Variants in SORCS2 observed in about 807,000 individuals in gnomAD.
The protein encoded by SORCS2 is sortilin related VPS10 domain containing receptor 2.
In SORCS2, 100 loss-of-function variants were observed where a neutral mutation model predicts 141.6. The ratio of observed to expected loss-of-function variants is 0.71; its 90% CI spans 0.60 to 0.83. The LOEUF (loss-of-function observed/expected upper bound fraction) is 0.83, where lower values mean the gene tolerates loss of function less well. Ranked by LOEUF, SORCS2 falls within the 40% of genes least tolerant of loss-of-function variation. The probability of loss-of-function intolerance (pLI) is 0.00; values close to 1 mark genes in which losing one functional copy is unlikely to be tolerated. For missense variants in SORCS2, 1,646 were observed against 1,560.2 expected (o/e 1.05, Z -0.93); for synonymous variants, 789 against 676.9 (o/e 1.17, Z -2.57).
In SORCS2 at chr4:7,638,213, C is replaced by A. The variant is rs185436173; in HGVS notation, c.649-115C>A. On this transcript the variant is annotated intron_variant, in intron 3 of 26. Transcript: ENST00000507866. ...GGCACACCCGGCCCAGGCCTCACAA[C>A]CCCCTTTCTGGTGTGAGGGAGAGAG... 5.8e-4 allele frequency: 760 copies of A among 1,299,286 alleles called. 2 individuals are homozygous for A. The African/African-American group carries it at 0.011, about 18-fold the overall frequency. The allele number at this position is 1,299,286 out of a possible 1,614,324, so 80.5% of individuals were successfully genotyped here. A position where few individuals can be genotyped will look rare whatever the true frequency, so the allele number is the denominator to read the frequency against.
chr4:7,226,180 C>G (rs1002039922), intron 1 of SORCS2, among the ~76,000 whole-genome samples: 2 of 152,206 alleles, frequency 1.3e-5, no homozygotes, highest in African/African-American at 4.8e-5. Flanking sequence ...GAGGGAGTGT[C>G]TATGGTGGCA....
intron 1 of SORCS2, among the ~76,000 whole-genome samples, chr4:7,366,259 C>G (rs146898839): frequency 2.0e-3 from 310 of 152,086 alleles, no homozygotes; most frequent in African/African-American, 7.1e-3. Flanking sequence ...CTCTCTCTCT[C>G]TCAGTCCTGC....
chr4:7,606,029 C>T (rs1368113395), intron 3 of SORCS2, among the ~76,000 whole-genome samples: 2 of 152,180 alleles, frequency 1.3e-5, no homozygotes, highest in African/African-American at 2.4e-5. Context: ...GTGGGGACAC[C>T]ACGTCAGGGA....
At chr4:7,723,611 G>A (rs994302605) in intron 18 of SORCS2, 86 bp from the exon 19 acceptor site, 21 of 1,348,954 alleles carry the variant, frequency 1.6e-5, no homozygotes, top group African/African-American at 5.8e-5. Flanking sequence ...GAATGAATGA[G>A]TGAGTGAGTG....
intron 1 of SORCS2, among the ~76,000 whole-genome samples, chr4:7,367,184 T>C (rs1374329121): frequency 6.6e-6 from 1 of 151,964 alleles, no homozygotes; most frequent in African/African-American, 2.4e-5. Context: ...GCAAGGGAGG[T>C]GGTAGTCTCG....
intron 3 of SORCS2, among the ~76,000 whole-genome samples, chr4:7,540,931 C>T (rs1187299816): frequency 2.6e-5 from 4 of 152,310 alleles, no homozygotes; most frequent in African/African-American, 9.6e-5. Context: ...CGGCCAGCGC[C>T]CCACCCACGA....
At chr4:7,273,625 G>T (rs1715282948) in intron 1 of SORCS2, among the ~76,000 whole-genome samples, 1 of 152,230 alleles carries the variant, frequency 6.6e-6, no homozygotes. Context: ...AGAGACTGAA[G>T]CTTCTGGAAA....
chr4:7,354,220 G>C (rs1489865850), intron 1 of SORCS2, among the ~76,000 whole-genome samples: 1 of 152,104 alleles, frequency 6.6e-6, no homozygotes, highest in Admixed American at 6.5e-5. Context: ...GGAAAGGCCA[G>C]GGCAGTAGAG....
At chr4:7,383,060 C>A (rs112664787) in intron 1 of SORCS2, among the ~76,000 whole-genome samples, 1 of 152,138 alleles carries the variant, frequency 6.6e-6, no homozygotes, top group African/African-American at 2.4e-5. Context: ...AAGACTCCAG[C>A]GCTTCGATCC....
In SORCS2 at chr4:7,712,943, C is replaced by T. The variant is rs1725924762; in HGVS notation, c.1989+90C>T. Reference sequence around the variant, plus strand: ...CCTGCCAAAGTCCTCCCCTGCAAGGCCGCAGGGCACCTCCCCGCCTCCAAG... The same window carrying T: ...CCTGCCAAAGTCCTCCCCTGCAAGGTCGCAGGGCACCTCCCCGCCTCCAAG... On this transcript the variant is annotated intron_variant, in intron 15 of 26. Transcript: ENST00000507866. 8 of 1,522,332 alleles carry T rather than the reference C, an allele frequency of 5.3e-6. No individual in the cohort carries two copies. The Admixed American group carries it at 1.5e-4, about 28-fold the overall frequency. The allele number at this position is 1,522,332 out of a possible 1,614,324, so 94.3% of individuals were successfully genotyped here.
intron 3 of SORCS2, among the ~76,000 whole-genome samples, chr4:7,573,430 C>A (rs888699992): frequency 7.9e-5 from 12 of 152,174 alleles, no homozygotes; most frequent in African/African-American, 1.9e-4. Context: ...AAAGTAAAGG[C>A]AAAGGTTTCC....
At chr4:7,725,402 T>A (rs1056714152) in intron 20 of SORCS2, 115 bp downstream of exon 20, 1 of 1,394,328 alleles carries the variant, frequency 7.2e-7, no homozygotes, top group Non-Finnish European at 9.5e-7. Context: ...TAGGGTGCAC[T>A]CCTCACCCTT....
intron 2 of SORCS2, among the ~76,000 whole-genome samples, chr4:7,418,984 G>T (rs548762414): frequency 1.4e-4 from 21 of 152,328 alleles, no homozygotes; most frequent in Non-Finnish European, 2.4e-4. Context: ...AGAGGTTCAA[G>T]AAAGAACGGC....
At chr4:7,500,225 C>A (rs1382501961) in intron 2 of SORCS2, among the ~76,000 whole-genome samples, 1 of 152,144 alleles carries the variant, frequency 6.6e-6, no homozygotes, top group Non-Finnish European at 1.5e-5. Context: ...CCCAGCCTGC[C>A]CGTGGAGCCC....
At chr4:7,313,352 G>T (rs1718325526) in intron 1 of SORCS2, among the ~76,000 whole-genome samples, 1 of 152,226 alleles carries the variant, frequency 6.6e-6, no homozygotes, top group African/African-American at 2.4e-5. Context: ...CAGGGAAGGC[G>T]CAGTCCTCCT....
In SORCS2 at chr4:7,723,927, G is replaced by A. The variant is rs80301782; in HGVS notation, c.2611+44G>A. 1.3e-3 allele frequency: 2,000 copies of A among 1,527,020 alleles called. 20 individuals are homozygous for A. The African/African-American group carries it at 0.025, about 19-fold the overall frequency. The allele number at this position is 1,527,020 out of a possible 1,614,324, so 94.6% of individuals were successfully genotyped here. On this transcript the variant is annotated intron_variant, in intron 19 of 26. Transcript: ENST00000507866. ...TGAGGCCAAAGGTCACTCCCTTTGA[G>A]AGAGAGAACCTGGCTTTGGGGGAAA...
In SORCS2 at chr4:7,438,082, A is replaced by T. The variant is rs373489708; in HGVS notation, c.548+41727A>T. ...AGTGTGGATACAATACTAGAATTTA[A>T]CCCACAGCCCAGTTCAGCTTTACCA... On this transcript the variant is annotated intron_variant, in intron 2 of 26. Coordinates refer to ENST00000507866, the MANE Select transcript of SORCS2 (RefSeq NM_020777.3). 3.9e-4 allele frequency among the ~76,000 whole-genome samples: 59 copies of T among 152,250 alleles called. No individual in the cohort carries two copies. The South Asian group carries it at 0.012, about 31-fold the overall frequency.
At chr4:7,709,170 G>A (rs1459821245) in intron 14 of SORCS2, among the ~76,000 whole-genome samples, 1 of 152,230 alleles carries the variant, frequency 6.6e-6, no homozygotes, top group East Asian at 1.9e-4. Context: ...AGCCGTTCCT[G>A]AGGCCAGAAC....
At chr4:7,531,387 C>T in intron 2 of SORCS2, 143 bp from the exon 3 acceptor site, 1 of 674,570 alleles carries the variant, frequency 1.5e-6, no homozygotes, top group Non-Finnish European at 2.5e-6. Flanking sequence ...ACACTGCCCC[C>T]AGGCAGAGTG....
Sources: allele counts gnomAD v4.1 joint callset (sites outside exome capture counted in the v4.1 genomes callset), GRCh38; gene constraint gnomAD v4.1.1; transcripts MANE v1.5; gene names NCBI Gene and HGNC (gene_info 2026-07-23, HGNC 2026-07-21).